The following AGL variants were observed in gnomAD, a reference collection of about 807,000 sequenced individuals.
AGL encodes glycogen debranching enzyme.
Under a neutral mutation model 199.3 loss-of-function variants are expected in AGL, and 128 were observed. That is an observed-to-expected ratio of 0.64 (90% CI 0.56 to 0.74). The LOEUF (loss-of-function observed/expected upper bound fraction) is 0.74, where lower values mean the gene tolerates loss of function less well. Among genes scored for constraint, AGL ranks in the 30% least tolerant of loss-of-function variants. The pLI, the probability that AGL is intolerant of heterozygous loss-of-function variation, is 0.00. For missense variants in AGL, 1,809 were observed against 1,820.8 expected (o/e 0.99, Z 0.12); for synonymous variants, 584 against 594.7 (o/e 0.98, Z 0.26).
rs749109288 is a variant in AGL, at chr1:99,888,129, C to A, written c.2812+21C>A. The A allele has an allele frequency of 5.6e-6, 9 of 1,611,112 alleles. No homozygotes were observed. In the South Asian group the frequency reaches 7.7e-5, roughly 14 times the overall value. On this transcript the variant is annotated intron_variant, in intron 21 of 33. Coordinates refer to ENST00000361915, the MANE Select transcript of AGL (RefSeq NM_000642.3). The stretch of plus-strand genomic sequence containing the variant: ...TCAAGGTAAGCAAATGGAAGGATAG[C>A]TGAGCTTTGTGTTTTTCTTTTAGGG...
chr1:99,910,433 A>G (rs932217404), intron 27 of AGL, among the ~76,000 whole-genome samples: 5 of 152,176 alleles, frequency 3.3e-5, no homozygotes, highest in South Asian at 2.1e-4. Context: ...AATGCAAGCA[A>G]TGTGGCAGTG....
At chr1:99,854,139 A>G (rs533631851) in intron 2 of AGL, among the ~76,000 whole-genome samples, 1 of 152,230 alleles carries the variant, frequency 6.6e-6, no homozygotes, top group Non-Finnish European at 1.5e-5. Context: ...GGTTGCAGTG[A>G]GCTGAGATCA....
At chr1:99,908,402 T>G (rs1654486100) in intron 27 of AGL, among the ~76,000 whole-genome samples, 1 of 152,204 alleles carries the variant, frequency 6.6e-6, no homozygotes, top group Non-Finnish European at 1.5e-5. Context: ...CCACACTGTT[T>G]TGGTTAGTGT....
Position 99,884,720 on chromosome 1 carries a change from T to G in AGL, c.2681+17T>G. 6.2e-7 allele frequency: 1 copy of G among 1,613,696 alleles called. No homozygotes were observed. Among genetic ancestry groups the G allele is most frequent in the Non-Finnish European group, 8.5e-7 (1 of 1,179,780 alleles). On this transcript the variant is annotated intron_variant, in intron 20 of 33. Coordinates refer to ENST00000361915, the MANE Select transcript of AGL (RefSeq NM_000642.3). The stretch of plus-strand genomic sequence containing the variant: ...TTTTGCTTCGTAAGTATGCCTTGTT[T>G]GGTAGAGATTTGCCACCTTAATAAG...
At chr1:99,895,314 T>C (rs539583988) in intron 24 of AGL, among the ~76,000 whole-genome samples, 250 of 152,316 alleles carry the variant, frequency 1.6e-3, no homozygotes, top group Non-Finnish European at 2.7e-3. Flanking sequence ...ACTCAATCTT[T>C]AAGTAAAATT....
intron 21 of AGL, 26 bp downstream of exon 21, chr1:99,888,134 C>T (rs1278762371): frequency 1.9e-6 from 3 of 1,610,526 alleles, no homozygotes; most frequent in Non-Finnish European, 2.5e-6. Flanking sequence ...GATAGCTGAG[C>T]TTTGTGTTTT....
intron 30 of AGL, 81 bp downstream of exon 30, chr1:99,913,819 A>G: frequency 7.5e-7 from 1 of 1,330,438 alleles, no homozygotes; most frequent in Non-Finnish European, 1.1e-6. Flanking sequence ...TTGTTTTCAA[A>G]TTCACTTCAT....
At chr1:99,881,238 A>T (rs1342067480) in intron 15 of AGL, 54 bp from the exon 16 acceptor site, 10 of 1,613,366 alleles carry the variant, frequency 6.2e-6, no homozygotes, top group Non-Finnish European at 8.5e-6. Context: ...ATTTTTATTA[A>T]AAAAAATTCA....
intron 33 of AGL, among the ~76,000 whole-genome samples, chr1:99,918,788 C>G (rs1355693584): frequency 3.3e-5 from 5 of 152,134 alleles, no homozygotes; most frequent in African/African-American, 1.2e-4. Context: ...CTTGTTAGAC[C>G]TGACCAGAAT....
chr1:99,867,408 T>C (rs908276677), intron 5 of AGL, among the ~76,000 whole-genome samples: 13 of 152,156 alleles, frequency 8.5e-5, no homozygotes, highest in Admixed American at 6.5e-5. Context: ...GGTGCTCCAC[T>C]CCTGGTAGGT....
At chr1:99,906,767 A>G (rs2100837007) in intron 27 of AGL, among the ~76,000 whole-genome samples, 1 of 152,144 alleles carries the variant, frequency 6.6e-6, no homozygotes, top group East Asian at 1.9e-4. Context: ...TTCTTTATTC[A>G]TTCATTGTCA....
intron 2 of AGL, among the ~76,000 whole-genome samples, chr1:99,853,864 T>A (rs866096345): frequency 6.6e-6 from 1 of 152,138 alleles, no homozygotes. Context: ...CACTCCAGCC[T>A]GGGTGACAGA....
intron 25 of AGL, among the ~76,000 whole-genome samples, chr1:99,899,520 C>CTCTCTCTT (rs1414489717): frequency 1.0e-4 from 11 of 110,438 alleles, no homozygotes; most frequent in Admixed American, 4.8e-4. Context: ...TTCTCTCTCT[C>CTCTCTCTT]TCTCTCTCTT....
chr1:99,893,152 A>G (rs1039776565), intron 24 of AGL, among the ~76,000 whole-genome samples: 7 of 152,178 alleles, frequency 4.6e-5, no homozygotes, highest in Non-Finnish European at 1.0e-4. Flanking sequence ...TTTTCTTTTT[A>G]ATACATTTCA....
Position 99,881,546 on chromosome 1 carries a change from T to C in AGL, c.2163T>C (p.Tyr721=), listed in dbSNP as rs368162843. The C allele has an allele frequency of 3.3e-5, 53 of 1,613,898 alleles. No individual in the cohort carries two copies. The African/African-American group carries it at 5.3e-4, about 16-fold the overall frequency. The part of the protein sequence containing the change: ...ELGAKGFIQV[Y]VDQVDEDIVA... ...TTGTTCTTTCTGCTTCTCAGGTGTATGTGGATCAAGTTGATGAAGACATAG... is the reference window on the plus strand; with the variant it reads ...TTGTTCTTTCTGCTTCTCAGGTGTACGTGGATCAAGTTGATGAAGACATAG... The change falls in exon 17 of 34, where the codon TAT becomes TAC. Residue 721 remains tyrosine, a synonymous_variant. Transcript: ENST00000361915.
rs202105587 is a variant in AGL, at chr1:99,875,264, T to A, written c.1185+8T>A. 8.7e-6 allele frequency: 14 copies of A among 1,613,392 alleles called. No homozygotes were observed. Among genetic ancestry groups the A allele is most frequent in the Non-Finnish European group, 1.2e-5 (14 of 1,179,446 alleles). ...AACTATCATCAGGAACAGGTTTTAC[T>A]TATTTTTGAACTGCTGCTTTTCCTT... is the stretch of plus-strand genomic sequence containing the variant. On this transcript the variant is annotated splice_region_variant and intron_variant, in intron 9 of 33. Coordinates refer to ENST00000361915, the MANE Select transcript of AGL (RefSeq NM_000642.3).
intron 10 of AGL, among the ~76,000 whole-genome samples, chr1:99,876,074 C>T (rs1651508310): frequency 6.6e-6 from 1 of 152,058 alleles, no homozygotes; most frequent in Non-Finnish European, 1.5e-5. Context: ...GGGGTTTCCC[C>T]ATGTTGGCCA....
chr1:99,901,219 T>C (rs1004673738), intron 26 of AGL, among the ~76,000 whole-genome samples: 1 of 151,774 alleles, frequency 6.6e-6, no homozygotes, highest in Non-Finnish European at 1.5e-5. Context: ...AGTAGGACTT[T>C]CGGAGAGATG....
intron 27 of AGL, among the ~76,000 whole-genome samples, chr1:99,909,833 C>T (rs909385262): frequency 2.0e-5 from 3 of 152,060 alleles, no homozygotes; most frequent in African/African-American, 7.2e-5. Flanking sequence ...TGAGTCTTCT[C>T]CCCTTTTTCA....
Sources: gnomAD v4.1 joint callset for allele counts (sites outside exome capture counted in the v4.1 genomes callset) on GRCh38, gnomAD v4.1.1 for gene constraint, MANE v1.5 for transcripts, NCBI Gene and HGNC (gene_info 2026-07-23, HGNC 2026-07-21) for gene names.